Variants in TOPORS observed in about 807,000 individuals in gnomAD.
The protein encoded by TOPORS is E3 ubiquitin-protein ligase Topors.
Under a neutral mutation model 81.4 loss-of-function variants are expected in TOPORS, and 25 were observed. The observed-to-expected ratio is 0.31, with a 90% CI of 0.22 to 0.43. The LOEUF (loss-of-function observed/expected upper bound fraction) is 0.43, where lower values mean the gene tolerates loss of function less well. Ranked by LOEUF, TOPORS falls within the 20% of genes least tolerant of loss-of-function variation. The probability of loss-of-function intolerance (pLI) is 1.00; values close to 1 mark genes in which losing one functional copy is unlikely to be tolerated. For synonymous variants in TOPORS, 473 were observed against 456.6 expected (o/e 1.04, Z -0.46); for missense variants, 1,101 against 1,267.0 (o/e 0.87, Z 1.99).
Position 32,544,246 on chromosome 9 carries a change from T to C in TOPORS, c.279A>G (p.Val93=). Residue 93 remains valine, a synonymous_variant, in exon 3 of 3, where the codon GTA becomes GTG. Transcript: ENST00000360538. ...KAGTSKLQQT[V]PADASPDSKC... is the part of the protein sequence containing the mutation. ...TAGAATCAGGAGATGCATCAGCTGGTACTGTCTGTTGCAATTTGCTAGTGC... is the reference window on the plus strand; with the variant it reads ...TAGAATCAGGAGATGCATCAGCTGGCACTGTCTGTTGCAATTTGCTAGTGC... 2 of 1,609,330 alleles carry C rather than the reference T, an allele frequency of 1.2e-6. No individual in the cohort carries two copies. The highest frequency in any genetic ancestry group is 1.7e-6 in the Non-Finnish European group (2 of 1,179,988).
intron 2 of TOPORS, among the ~76,000 whole-genome samples, chr9:32,544,988 T>C (rs944928014): frequency 2.0e-5 from 3 of 152,240 alleles, no homozygotes; most frequent in African/African-American, 7.2e-5. Context: ...ATAACTTACA[T>C]ACCAGAAAGT....
At position 32,540,756 on chromosome 9, in the gene TOPORS, T is replaced by C. The variant is rs184514409; in HGVS notation, c.*631A>G. On this transcript the variant is annotated 3_prime_UTR_variant, in exon 3 of 3. Transcript: ENST00000360538. ...ATAAACTTTAAAAAAAAATACTGCA[T>C]AGGAAAATGTCTGATTCTTGTTTTA... is the stretch of plus-strand genomic sequence containing the variant. 9.6e-4 allele frequency: 146 copies of C among 152,736 alleles called. No individual in the cohort carries two copies. Among genetic ancestry groups the C allele is most frequent in the African/African-American group, 3.4e-3 (143 of 41,568 alleles). The allele number at this position is 152,736 out of a possible 1,614,324, so 9.5% of individuals were successfully genotyped here. A position where few individuals can be genotyped will look rare whatever the true frequency, so the allele number is the denominator to read the frequency against.
chr9:32,543,941 G>C lies in TOPORS; in HGVS notation c.584C>G (p.Pro195Arg), dbSNP rs1563984471. 2.5e-6 allele frequency: 4 copies of C among 1,614,090 alleles called. No homozygotes were observed. The highest frequency in any genetic ancestry group is 3.4e-6 in the Non-Finnish European group (4 of 1,180,002). Residue 195 changes from proline to arginine, a missense_variant, in exon 3 of 3, where the codon CCT becomes CGT. This residue lies in a region of TOPORS where 120 missense variants were observed against 115.4 expected (regional missense o/e 1.04). Coordinates refer to ENST00000360538, the MANE Select transcript of TOPORS (RefSeq NM_005802.5). The surrounding 1 kb of genome is among the most constrained non-coding windows in gnomAD (Gnocchi z 5.6). ...TRERNASVYSPSGPVNRRTTT... is the reference protein window; with the variant it reads ...TRERNASVYSRSGPVNRRTTT... ...TGTTCTTCTGTTCACAGGACCACTA[G>C]GTGAATACACAGAAGCATTTCGTTC...
rs1337053077 is a variant in TOPORS at position 32,540,560 on chromosome 9, C to A, written c.*827G>T. 6.6e-6 allele frequency: 1 copy of A among 152,172 alleles called. No homozygotes were observed. 9.4% of individuals were successfully genotyped at this position (152,172 alleles called of 1,614,324 possible). On this transcript the variant is annotated 3_prime_UTR_variant, in exon 3 of 3. Coordinates refer to ENST00000360538, the MANE Select transcript of TOPORS (RefSeq NM_005802.5). ...TAAAAGAAGTATGACAAGGGTTTTT[C>A]ATGTTTATTTAGCAAGTTAAATGCT...
chr9:32,547,364 G>T (rs182905304), intron 2 of TOPORS, among the ~76,000 whole-genome samples: 1 of 152,060 alleles, frequency 6.6e-6, no homozygotes, highest in African/African-American at 2.4e-5. Context: ...TATACCCAAG[G>T]GAAACGAAAA....
In TOPORS at chr9:32,543,065, A is replaced by C. The variant is rs1563983941; in HGVS notation, c.1460T>G (p.Leu487Arg). 3.1e-6 allele frequency: 5 copies of C among 1,614,194 alleles called. No individual in the cohort carries two copies. Among genetic ancestry groups the C allele is most frequent in the Non-Finnish European group, 4.2e-6 (5 of 1,180,026 alleles). The change falls in exon 3 of 3, where the codon CTA becomes CGA. Residue 487 changes from leucine to arginine, a missense_variant. By Grantham distance (102) the Leu-to-Arg change is moderately radical (BLOSUM62 -2). This residue lies in a region of TOPORS where 14 missense variants were observed against 36.7 expected (regional missense o/e 0.38). Transcript: ENST00000360538. The surrounding 1 kb of genome is among the most constrained non-coding windows in gnomAD (Gnocchi z 5.6). Reference sequence around the variant, plus strand: ...AACAAGTTCTGGGGTCCTCTCAGCTAGTGGTTTAACAAACCCAACAATGAC... The same window carrying C: ...AACAAGTTCTGGGGTCCTCTCAGCTCGTGGTTTAACAAACCCAACAATGAC... ...NCVIVGFVKP[L>R]AERTPELVEL...
chr9:32,541,296 A>G lies in TOPORS; in HGVS notation c.*91T>C, dbSNP rs1821052256. The G allele has an allele frequency of 7.7e-7, 1 of 1,291,484 alleles. No individual in the cohort carries two copies. The highest frequency in any genetic ancestry group is 1.5e-5 in the African/African-American group (1 of 67,602). The allele number at this position is 1,291,484 out of a possible 1,614,324, so 80.0% of individuals were successfully genotyped here. ...TGTAAGGAGGAAGAGAGTTTTCACC[A>G]AATGTCATCTTTAAATAGACTGCAG... On this transcript the variant is annotated 3_prime_UTR_variant, in exon 3 of 3. Coordinates refer to ENST00000360538, the MANE Select transcript of TOPORS (RefSeq NM_005802.5).
chr9:32,544,242 C>G lies in TOPORS; in HGVS notation c.283G>C (p.Ala95Pro), dbSNP rs200702814. ...CACTTAGAATCAGGAGATGCATCAGCTGGTACTGTCTGTTGCAATTTGCTA... is the reference window on the plus strand; with the variant it reads ...CACTTAGAATCAGGAGATGCATCAGGTGGTACTGTCTGTTGCAATTTGCTA... ...GTSKLQQTVP[A>P]DASPDSKCPI... The change falls in exon 3 of 3, where the codon GCT becomes CCT. Residue 95 changes from alanine to proline, a missense_variant. This residue lies in a region of TOPORS where 48 missense variants were observed against 73.3 expected (regional missense o/e 0.65). Coordinates refer to ENST00000360538, the MANE Select transcript of TOPORS (RefSeq NM_005802.5). 2.5e-6 allele frequency: 4 copies of G among 1,609,400 alleles called. No homozygotes were observed. The East Asian group carries it at 8.9e-5, about 36-fold the overall frequency.
intron 1 of TOPORS, 52 bp downstream of exon 1, chr9:32,552,382 T>A (rs768763994): frequency 2.1e-5 from 33 of 1,604,462 alleles, no homozygotes; most frequent in Non-Finnish European, 2.7e-5. Flanking sequence ...GGGAGGTTAC[T>A]GTAAGGCCCG....
intron 1 of TOPORS, 159 bp downstream of exon 1, chr9:32,552,275 C>G: frequency 9.7e-7 from 1 of 1,028,198 alleles, no homozygotes; most frequent in Non-Finnish European, 1.5e-6. Context: ...CCCCCAACTC[C>G]GGGCGGAAGA....
chr9:32,549,698 T>C (rs112734398), intron 2 of TOPORS, among the ~76,000 whole-genome samples: 32 of 152,276 alleles, frequency 2.1e-4, no homozygotes, highest in African/African-American at 7.7e-4. Context: ...ATCATCATAC[T>C]TAATATAATT....
At chr9:32,550,737 C>T (rs1821225090) in intron 2 of TOPORS, 37 bp downstream of exon 2, 1 of 1,611,076 alleles carries the variant, frequency 6.2e-7, no homozygotes, top group African/African-American at 1.3e-5. Context: ...CACGGCCCTT[C>T]CGACCCCCGC....
rs2118980845 is a variant in TOPORS at position 32,550,783 on chromosome 9, T to C, written c.189A>G (p.Ala63=). Residue 63 remains alanine (A), a synonymous_variant, in exon 2 of 3, where the codon GCA becomes GCG. Transcript: ENST00000360538. ...AASAPARPAP[A]SSEIMASAAK... Reference sequence around the variant, plus strand: ...TCCGAATCTCACTCACCTCGGAGGATGCCGGCGCAGGCCTGGCTGGGGCGC... The same window carrying C: ...TCCGAATCTCACTCACCTCGGAGGACGCCGGCGCAGGCCTGGCTGGGGCGC... 1.2e-6 allele frequency: 2 copies of C among 1,612,874 alleles called. No homozygotes were observed. The highest frequency in any genetic ancestry group is 1.6e-4 in the Middle Eastern group (1 of 6,062).
intron 2 of TOPORS, among the ~76,000 whole-genome samples, chr9:32,550,384 C>T (rs1821213771): frequency 6.6e-6 from 1 of 152,224 alleles, no homozygotes; most frequent in African/African-American, 2.4e-5. Flanking sequence ...ATTACATAAC[C>T]ACAACGAACT....
At chr9:32,550,990 A>C in intron 1 of TOPORS, 22 bp from the exon 2 acceptor site, 1 of 1,607,432 alleles carries the variant, frequency 6.2e-7, no homozygotes, top group Non-Finnish European at 8.5e-7. Context: ...AGGGCTCATC[A>C]CCAATGGCAG....
chr9:32,548,139 C>T (rs1207563734), intron 2 of TOPORS, among the ~76,000 whole-genome samples: 1 of 150,644 alleles, frequency 6.6e-6, no homozygotes, highest in Admixed American at 6.6e-5. Flanking sequence ...CGTAAGCCAC[C>T]GCGCCCAGCC....
At chr9:32,552,368 G>A (rs1219261689) in intron 1 of TOPORS, 66 bp downstream of exon 1, 2 of 1,592,244 alleles carry the variant, frequency 1.3e-6, no homozygotes, top group Admixed American at 3.5e-5. Flanking sequence ...GGCAGCCACC[G>A]CCTGGGAGGT....
chr9:32,541,290 T>G lies in TOPORS; in HGVS notation c.*97A>C. On this transcript the variant is annotated 3_prime_UTR_variant, in exon 3 of 3. Transcript: ENST00000360538. ...AAATATTGTAAGGAGGAAGAGAGTT[T>G]TCACCAAATGTCATCTTTAAATAGA... 8.1e-7 allele frequency: 1 copy of G among 1,234,226 alleles called. No homozygotes were observed. Among genetic ancestry groups the G allele is most frequent in the Non-Finnish European group, 1.2e-6 (1 of 868,956 alleles). The allele number at this position is 1,234,226 out of a possible 1,614,324, so 76.5% of individuals were successfully genotyped here. A position where few individuals can be genotyped will look rare whatever the true frequency, so the allele number is the denominator to read the frequency against.
At chr9:32,551,506 T>C (rs1821258953) in intron 1 of TOPORS, 1 of 275,490 alleles carries the variant, frequency 3.6e-6, no homozygotes, top group Non-Finnish European at 7.4e-6. Context: ...AAACAGGGCC[T>C]GGACTCCTCC....
Sources: allele counts gnomAD v4.1 joint callset (sites outside exome capture counted in the v4.1 genomes callset), GRCh38; gene constraint gnomAD v4.1.1; regional missense constraint gnomAD v4.1.1; non-coding constraint Gnocchi (gnomAD v3.1); transcripts MANE v1.5; gene names NCBI Gene and HGNC (gene_info 2026-07-23, HGNC 2026-07-21).